The following DNAJB6 variants were observed in gnomAD, a reference collection of about 807,000 sequenced individuals.
The protein encoded by DNAJB6 is dnaJ homolog subfamily B member 6.
DNAJB6 carries 16 observed loss-of-function variants against 42.7 expected under a neutral mutation model. The observed-to-expected ratio is 0.37, with a 90% CI of 0.25 to 0.57. The LOEUF is 0.57. DNAJB6 is among the 20% of genes least tolerant of loss of function. The pLI, the probability that DNAJB6 is intolerant of heterozygous loss-of-function variation, is 0.74. For synonymous variants in DNAJB6, 170 were observed against 163.5 expected (o/e 1.04, Z -0.30); for missense variants, 347 against 416.8 (o/e 0.83, Z 1.46).
At chr7:157,339,229 C>T (rs1466280054) in intron 1 of DNAJB6, among the ~76,000 whole-genome samples, 2 of 149,566 alleles carry the variant, frequency 1.3e-5, no homozygotes, top group African/African-American at 4.9e-5. Context: ...AGTCTTCAAC[C>T]TAGATAACCT....
chr7:157,366,860 G>A (rs1328031078), intron 4 of DNAJB6, among the ~76,000 whole-genome samples: 1 of 152,234 alleles, frequency 6.6e-6, no homozygotes, highest in East Asian at 1.9e-4. Flanking sequence ...TATCCTAAGG[G>A]TTTAAAGAGC....
chr7:157,361,235 T>C (rs1799572390), intron 2 of DNAJB6, among the ~76,000 whole-genome samples: 1 of 151,750 alleles, frequency 6.6e-6, no homozygotes, highest in Non-Finnish European at 1.5e-5. Flanking sequence ...CTCGGCTCAC[T>C]GCAACCTCTG....
chr7:157,345,107 C>T (rs1295388790), intron 1 of DNAJB6, among the ~76,000 whole-genome samples: 3 of 152,192 alleles, frequency 2.0e-5, no homozygotes, highest in East Asian at 1.9e-4. Flanking sequence ...GATTCTCCTG[C>T]CTCAGCCTCC....
At chr7:157,369,041 G>A (rs1799982435) in intron 5 of DNAJB6, 1 of 360,936 alleles carries the variant, frequency 2.8e-6, no homozygotes, top group African/African-American at 2.1e-5. Context: ...TGGCTGGCTT[G>A]AAGAGAGCCC....
intron 5 of DNAJB6, among the ~76,000 whole-genome samples, chr7:157,369,887 C>T (rs181062914): frequency 0.051 from 6,424 of 126,256 alleles, 152 homozygotes; most frequent in Non-Finnish European, 0.073. Flanking sequence ...AAACAGGCCC[C>T]TTCTCAACAT....
Position 157,376,420 on chromosome 7 carries a change from T to A in DNAJB6, c.347-5826T>A, listed in dbSNP as rs188216981. Among the ~76,000 whole-genome samples the A allele has an allele frequency of 8.5e-4, 129 of 152,316 alleles. 1 individual carries two copies. The highest frequency in any genetic ancestry group is 1.2e-3 in the Non-Finnish European group (79 of 68,032). On this transcript the variant is annotated intron_variant, in intron 5 of 9. Transcript: ENST00000262177. ...TTTTAAAGAAGCTCTTGCTATACGA[T>A]GCCCAGAATGTTGAAATGGAAGAAG...
intron 1 of DNAJB6, among the ~76,000 whole-genome samples, chr7:157,355,265 G>A (rs1353632065): frequency 2.0e-5 from 3 of 152,270 alleles, no homozygotes; most frequent in South Asian, 2.1e-4. Context: ...GGTTCACGCC[G>A]TTCTCCTGCC....
chr7:157,382,569 G>A (rs900117973), intron 6 of DNAJB6, 192 bp downstream of exon 6: 4 of 411,532 alleles, frequency 9.7e-6, no homozygotes, highest in Non-Finnish European at 1.6e-5. Flanking sequence ...TCCTAAGAAT[G>A]TCGTGCTTGG....
chr7:157,353,164 G>T (rs1011028474), intron 1 of DNAJB6, among the ~76,000 whole-genome samples: 1 of 150,534 alleles, frequency 6.6e-6, no homozygotes, highest in East Asian at 2.0e-4. Context: ...CTGGGCTCAT[G>T]CAGTTTGTCC....
intron 8 of DNAJB6, among the ~76,000 whole-genome samples, chr7:157,403,540 C>T (rs578155745): frequency 2.5e-4 from 38 of 152,298 alleles, no homozygotes; most frequent in South Asian, 6.2e-4. Context: ...AGTCTCAGCT[C>T]GCAGCAACCT....
chr7:157,415,870 T>G, intron 9 of DNAJB6, 146 bp from the exon 10 acceptor site: 3 of 1,438,168 alleles, frequency 2.1e-6, no homozygotes, highest in Non-Finnish European at 1.9e-6. Flanking sequence ...AAGCGCCCGT[T>G]TTGAGGTTTA....
At chr7:157,361,688 C>T (rs1199705292) in intron 2 of DNAJB6, among the ~76,000 whole-genome samples, 2 of 152,072 alleles carry the variant, frequency 1.3e-5, no homozygotes, top group East Asian at 1.9e-4. Context: ...TTAACGTTAC[C>T]CTCCTTTTGA....
intron 8 of DNAJB6, among the ~76,000 whole-genome samples, chr7:157,392,364 T>TGG (rs1801389460): frequency 6.6e-6 from 1 of 151,916 alleles, no homozygotes; most frequent in African/African-American, 2.4e-5. Context: ...AGTGGGTTTT[T>TGG]TTTTTTTTTT....
intron 2 of DNAJB6, among the ~76,000 whole-genome samples, chr7:157,359,054 A>G (rs1356922761): frequency 6.6e-6 from 1 of 152,216 alleles, no homozygotes; most frequent in Non-Finnish European, 1.5e-5. Flanking sequence ...TGAAAGTTCG[A>G]GAACTGCAGC....
chr7:157,416,286 C>G lies in DNAJB6; in HGVS notation c.*188C>G, dbSNP rs556372247. 6.1e-6 allele frequency: 5 copies of G among 821,116 alleles called. No individual in the cohort carries two copies. The highest frequency in any genetic ancestry group is 5.2e-5 in the African/African-American group (3 of 57,974). 50.9% of individuals were successfully genotyped at this position (821,116 alleles called of 1,614,324 possible). On this transcript the variant is annotated 3_prime_UTR_variant, in exon 10 of 10. Coordinates refer to ENST00000262177, the MANE Select transcript of DNAJB6 (RefSeq NM_058246.4). ...GAGACGGGGCTGACGGCACGGGTGG[C>G]GGGGACAGACGTTTGGGACTTGGCC...
intron 1 of DNAJB6, among the ~76,000 whole-genome samples, chr7:157,348,967 T>C (rs1050696342): frequency 2.6e-5 from 4 of 152,200 alleles, no homozygotes; most frequent in Admixed American, 6.6e-5. Context: ...GTCAGTAAAA[T>C]GTCAGTGTTA....
intron 8 of DNAJB6, among the ~76,000 whole-genome samples, chr7:157,392,877 G>A (rs1327567579): frequency 6.6e-6 from 1 of 152,202 alleles, no homozygotes; most frequent in Admixed American, 6.5e-5. Flanking sequence ...TGCCGTCTGT[G>A]TGTGTTTTCT....
intron 5 of DNAJB6, chr7:157,369,532 T>A (rs1800011920): frequency 7.8e-6 from 3 of 385,196 alleles, no homozygotes; most frequent in Non-Finnish European, 1.5e-5. Context: ...AGGCCCTGCT[T>A]AACATTATGA....
intron 1 of DNAJB6, among the ~76,000 whole-genome samples, chr7:157,339,596 G>A (rs1798238547): frequency 7.0e-6 from 1 of 143,498 alleles, no homozygotes; most frequent in Non-Finnish European, 1.5e-5. Context: ...ACCGCGCCCG[G>A]CCTTTTGTGT....
Sources: gnomAD v4.1 joint callset for allele counts (sites outside exome capture counted in the v4.1 genomes callset) on GRCh38, gnomAD v4.1.1 for gene constraint, MANE v1.5 for transcripts, NCBI Gene and HGNC (gene_info 2026-07-23, HGNC 2026-07-21) for gene names.